Variants in MUC4 observed in about 807,000 individuals in gnomAD.
MUC4 encodes the protein mucin 4, cell surface associated.
Under a neutral mutation model 257.9 loss-of-function variants are expected in MUC4, and 202 were observed. That is an observed-to-expected ratio of 0.78 (90% confidence interval 0.70 to 0.88). The LOEUF (loss-of-function observed/expected upper bound fraction) is 0.88, where lower values mean the gene tolerates loss of function less well. MUC4 is among the 40% of genes least tolerant of loss of function. The probability of loss-of-function intolerance (pLI) is 0.00; values close to 1 mark genes in which losing one functional copy is unlikely to be tolerated. For missense variants in MUC4, 5,976 were observed against 6,513.7 expected (o/e 0.92, Z 2.84); for synonymous variants, 2,351 against 2,757.1 (o/e 0.85, Z 4.62).
chr3:195,781,144 G>A lies in MUC4; in HGVS notation c.10436C>T (p.Ser3479Phe), dbSNP rs933688847. Residue 3479 changes from serine (S) to phenylalanine (F), a missense_variant, in exon 2 of 25, where the codon TCC becomes TTC. Ser to Phe is a radical substitution (Grantham distance 155). Transcript: ENST00000463781. ...GGTGGTGTGACCTGTAGATGCTGAG[G>A]AAGGGCTGGTGACAGGAAGAGGGGT... ...DTTPLPVTSPSSASTGHTTPL... is the reference protein window; with the variant it reads ...DTTPLPVTSPFSASTGHTTPL... The A allele has an allele frequency of 1.4e-6, 2 of 1,469,616 alleles. No individual in the cohort carries two copies. Among genetic ancestry groups the A allele is most frequent in the Non-Finnish European group, 1.8e-6 (2 of 1,094,292 alleles). The allele number at this position is 1,469,616 out of a possible 1,614,324, so 91.0% of individuals were successfully genotyped here.
rs749646961 is a variant in MUC4 at position 195,786,319 on chromosome 3, G to T, written c.5261C>A (p.Ser1754Tyr). 1.3e-6 allele frequency: 2 copies of T among 1,520,098 alleles called. No homozygotes were observed. The highest frequency in any genetic ancestry group is 1.8e-6 in the Non-Finnish European group (2 of 1,126,608). 94.2% of individuals were successfully genotyped at this position (1,520,098 alleles called of 1,614,324 possible). A position where few individuals can be genotyped will look rare whatever the true frequency, so the allele number is the denominator to read the frequency against. The change falls in exon 2 of 25, where the codon TCC becomes TAC. Residue 1754 changes from serine to tyrosine, a missense_variant. Around this residue, in one of 44 missense-constraint regions of MUC4, gnomAD observed 138 missense variants for 107.8 expected, o/e 1.28. Transcript: ENST00000463781. ...AGGAAGAGGGGTGGCCTGACCTGTG[G>T]ATGCTGAGGAAGCGTCAGTGACAAG... ...PLLVTDASSA[S>Y]TGQATPLPVT...
chr3:195,767,492 T>TCGC (rs1720892098), intron 7 of MUC4, among the ~76,000 whole-genome samples: 1 of 64,064 alleles, frequency 1.6e-5, no homozygotes, highest in Non-Finnish European at 3.3e-5. Context: ...ACCACCACCA[T>TCGC]CACCATCACC....
chr3:195,771,174 T>C (rs112765171), intron 5 of MUC4, among the ~76,000 whole-genome samples: 3,315 of 33,508 alleles, frequency 0.099, 348 homozygotes, highest in East Asian at 0.3. Flanking sequence ...GTCAGTCTCG[T>C]GGTTGGGTTG....
rs777344447 is a variant in MUC4, at chr3:195,759,230, A to G, written c.14880T>C (p.Arg4960=). ...TCTGCCCCTTGTAGGCTTCAATCAC[A>G]CGACCACCATTGATGGAGGGCGGGT... The part of the protein sequence containing the change: ...NQYPPSINGG[R]VIEAYKGQTT... Residue 4960 remains arginine, a synonymous_variant, in exon 17 of 25, where the codon CGT becomes CGC. Transcript: ENST00000463781. The G allele has an allele frequency of 6.2e-7, 1 of 1,614,008 alleles. No homozygotes were observed. Among genetic ancestry groups the G allele is most frequent in the South Asian group, 1.1e-5 (1 of 91,070 alleles).
intron 7 of MUC4, 91 bp from the exon 8 acceptor site, chr3:195,766,842 G>T: frequency 8.4e-7 from 1 of 1,186,456 alleles, no homozygotes; most frequent in Non-Finnish European, 1.2e-6. Context: ...TAGCCGGTCA[G>T]CAGCTGGTCA....
In MUC4 at chr3:195,771,671, C is replaced by G; in HGVS notation, c.13223G>C (p.Arg4408Pro). The G allele has an allele frequency of 3.1e-6, 5 of 1,613,816 alleles. No homozygotes were observed. The highest frequency in any genetic ancestry group is 4.2e-6 in the Non-Finnish European group (5 of 1,179,808). ...GCTCACCTGATAAAATGTGGTCCCCCGACCAGTGGAGAAGTCAGCATCGTC... is the reference window on the plus strand; with the variant it reads ...GCTCACCTGATAAAATGTGGTCCCCGGACCAGTGGAGAAGTCAGCATCGTC... ...FWDDADFSTG[R>P]GTTFYQEYET... The change falls in exon 5 of 25, where the codon CGG becomes CCG. Residue 4408 changes from arginine (R) to proline (P), a missense_variant. This residue lies in a region of MUC4 where 996 missense variants were observed against 1,137.3 expected (regional missense o/e 0.88). Coordinates refer to ENST00000463781, the MANE Select transcript of MUC4 (RefSeq NM_018406.7).
chr3:195,766,718 C>T lies in MUC4; in HGVS notation c.13563G>A (p.Met4521Ile), dbSNP rs1560258193. ...GDGYFENSPL[M>I]SQPVWERYRP... Reference sequence around the variant, plus strand: ...GATACCTCTCCCACACTGGCTGGGACATCAGTGGGCTGTTTTCGAAATAGC... The same window carrying T: ...GATACCTCTCCCACACTGGCTGGGATATCAGTGGGCTGTTTTCGAAATAGC... Residue 4521 changes from methionine to isoleucine, a missense_variant, in exon 8 of 25, where the codon ATG becomes ATA. Around this residue, in one of 44 missense-constraint regions of MUC4, gnomAD observed 996 missense variants for 1,137.3 expected, o/e 0.88. Transcript: ENST00000463781. The T allele has an allele frequency of 6.2e-7, 1 of 1,614,182 alleles. No individual in the cohort carries two copies. The highest frequency in any genetic ancestry group is 8.5e-7 in the Non-Finnish European group (1 of 1,180,018).
At chr3:195,775,649 G>T (rs1223237318) in intron 3 of MUC4, among the ~76,000 whole-genome samples, 9 of 32,226 alleles carry the variant, frequency 2.8e-4, no homozygotes, top group Admixed American at 5.5e-4. Flanking sequence ...ACCTTCCACA[G>T]TCATACCTTC....
At chr3:195,759,417 C>G (rs1429574222) in intron 16 of MUC4, among the ~76,000 whole-genome samples, 156 bp from the exon 17 acceptor site, 1 of 152,186 alleles carries the variant, frequency 6.6e-6, no homozygotes, top group Non-Finnish European at 1.5e-5. Flanking sequence ...TCTCGACTGA[C>G]GCACAGCAGG....
At position 195,761,602 on chromosome 3, in the gene MUC4, G is replaced by C; in HGVS notation, c.14513-17C>G. On this transcript the variant is annotated splice_polypyrimidine_tract_variant and intron_variant, in intron 14 of 24. Transcript: ENST00000463781. The stretch of plus-strand genomic sequence containing the variant: ...TCCAGACCCCTGAGGGACAGAGTGG[G>C]AGGTTGGCCACCCTGGGCACGCGGC... 6.2e-7 allele frequency: 1 copy of C among 1,601,162 alleles called. No homozygotes were observed. Among genetic ancestry groups the C allele is most frequent in the Non-Finnish European group, 8.6e-7 (1 of 1,168,494 alleles).
At chr3:195,808,876 C>T (rs941970817) in intron 1 of MUC4, among the ~76,000 whole-genome samples, 3 of 152,170 alleles carry the variant, frequency 2.0e-5, no homozygotes, top group African/African-American at 7.2e-5. Context: ...TGGCCTGTCC[C>T]AGACTGACAG....
chr3:195,772,304 G>A (rs1457019226), intron 4 of MUC4, among the ~76,000 whole-genome samples: 1 of 150,734 alleles, frequency 6.6e-6, no homozygotes, highest in Non-Finnish European at 1.5e-5. Flanking sequence ...TCACTTAGGG[G>A]GTGGAACCCT....
rs1726295109 is a variant in MUC4 at position 195,779,615 on chromosome 3, C to CTGAGGAACGGCT, written c.11964_11965insAGCCGTTCCTCA (p.Thr3988_Asp3989insSerArgSerSer). 1.2e-6 allele frequency: 1 copy of CTGAGGAACGGCT among 842,680 alleles called. No homozygotes were observed. Among genetic ancestry groups the CTGAGGAACGGCT allele is most frequent in the African/African-American group, 4.5e-5 (1 of 22,346 alleles). The allele number at this position is 842,680 out of a possible 1,614,324, so 52.2% of individuals were successfully genotyped here. ...TGACCTGTGGATACTGAGGAAGTGT[C>CTGAGGAACGGCT]GGTGACAGGAAGGGGGGTGGCGTGA... is the stretch of plus-strand genomic sequence containing the variant. On this transcript the variant is annotated inframe_insertion, in exon 2 of 25. Coordinates refer to ENST00000463781, the MANE Select transcript of MUC4 (RefSeq NM_018406.7).
At chr3:195,793,684 G>A (rs904159223) in intron 1 of MUC4, among the ~76,000 whole-genome samples, 6 of 152,176 alleles carry the variant, frequency 3.9e-5, no homozygotes, top group African/African-American at 1.4e-4. Flanking sequence ...GGTGAGGTTA[G>A]ACTAGAATGG....
chr3:195,798,531 G>A (rs1415446919), intron 1 of MUC4, among the ~76,000 whole-genome samples: 5 of 151,970 alleles, frequency 3.3e-5, no homozygotes, highest in African/African-American at 4.8e-5. Context: ...GTGAACCCCC[G>A]TCTCTACTAA....
chr3:195,799,185 T>C (rs909040390), intron 1 of MUC4, among the ~76,000 whole-genome samples: 2 of 151,962 alleles, frequency 1.3e-5, no homozygotes, highest in Non-Finnish European at 2.9e-5. Flanking sequence ...TAATACATCT[T>C]ACTTTATGCC....
rs775528826 is a variant in MUC4, at chr3:195,789,631, T to C, written c.1949A>G (p.Gln650Arg). The C allele has an allele frequency of 6.2e-7, 1 of 1,613,792 alleles. No homozygotes were observed. The highest frequency in any genetic ancestry group is 8.5e-7 in the Non-Finnish European group (1 of 1,179,870). The change falls in exon 2 of 25, where the codon CAA (glutamine) becomes CGA (arginine). Residue 650 changes from glutamine (Q) to arginine (R), a missense_variant. This residue lies in a region of MUC4 where 1,583 missense variants were observed against 1,257.4 expected (regional missense o/e 1.26). Coordinates refer to ENST00000463781, the MANE Select transcript of MUC4 (RefSeq NM_018406.7). Reference sequence around the variant, plus strand: ...CATGGGGGAGACGGACCTCGTGGTTTGTGATTCTTGTGTGGTCTGCGGGGC... The same window carrying C: ...CATGGGGGAGACGGACCTCGTGGTTCGTGATTCTTGTGTGGTCTGCGGGGC... Reference protein sequence around the residue: ...TQAPQTTQESQTTRSVSPMTD... With the variant: ...TQAPQTTQESRTTRSVSPMTD...
Position 195,784,869 on chromosome 3 carries a change from C to G in MUC4, c.6711G>C (p.Gln2237His), listed in dbSNP as rs201069012. 20,089 of 1,201,392 alleles carry G rather than the reference C, an allele frequency of 0.017. 3,009 individuals are homozygous for G. Among genetic ancestry groups the G allele is most frequent in the African/African-American group, 0.17 (5,792 of 34,956 alleles). 74.4% of individuals were successfully genotyped at this position (1,201,392 alleles called of 1,614,324 possible). A position where few individuals can be genotyped will look rare whatever the true frequency, so the allele number is the denominator to read the frequency against. Residue 2237 changes from glutamine to histidine, a missense_variant, in exon 2 of 25, where the codon CAG becomes CAC. Transcript: ENST00000463781. Reference protein sequence around the residue: ...VTDTSSASTGQATPLPVTSLS... With the variant: ...VTDTSSASTGHATPLPVTSLS... ...GGCTGGTGACAGGAAGAGGGGTGGC[C>G]TGTCCTGTGGATGCTGAGGAAGTGT...
In MUC4 at chr3:195,781,222, TGA is replaced by T. The variant is rs1307871487; in HGVS notation, c.10356_10357del (p.Thr3454HisfsTer15). On this transcript the variant is annotated frameshift_variant, in exon 2 of 25. Transcript: ENST00000463781. LOFTEE classifies it high-confidence loss of function. ...GTCGGTGACAGGAAGAGGGGTGGTG[TGA>T]CCTGTAGATGCTGAGGAAGTGCTGG... 1 of 1,408,504 alleles carries T rather than the reference TGA, an allele frequency of 7.1e-7. No homozygotes were observed. Among genetic ancestry groups the T allele is most frequent in the African/African-American group, 1.5e-5 (1 of 65,850 alleles). 87.3% of individuals were successfully genotyped at this position (1,408,504 alleles called of 1,614,324 possible).
Sources: gnomAD v4.1 joint callset for allele counts (sites outside exome capture counted in the v4.1 genomes callset) on GRCh38, gnomAD v4.1.1 for gene constraint, gnomAD v4.1.1 regional missense constraint, MANE v1.5 for transcripts, NCBI Gene and HGNC (gene_info 2026-07-23, HGNC 2026-07-21) for gene names.